The following ARHGAP32 variants were observed in gnomAD, a reference collection of about 807,000 sequenced individuals.
ARHGAP32 encodes the protein Rho GTPase activating protein 32, also known as rho GTPase-activating protein 32.
A neutral mutation model predicts 186.5 loss-of-function variants in ARHGAP32; 51 were observed. The ratio of observed to expected loss-of-function variants is 0.27; its 90% confidence interval spans 0.22 to 0.35. ARHGAP32 has a LOEUF of 0.35. Ranked by LOEUF, ARHGAP32 falls within the 10% of genes least tolerant of loss-of-function variation. The pLI, the probability that ARHGAP32 is intolerant of heterozygous loss-of-function variation, is 1.00. For synonymous variants in ARHGAP32, 950 were observed against 964.3 expected (o/e 0.99, Z 0.27); for missense variants, 2,186 against 2,623.5 (o/e 0.83, Z 3.64).
intron 2 of ARHGAP32, among the ~76,000 whole-genome samples, chr11:129,136,633 G>A (rs1313192648): frequency 6.6e-6 from 1 of 152,202 alleles, no homozygotes; most frequent in East Asian, 1.9e-4. Flanking sequence ...ATCTATCATT[G>A]TGTTAAAAAC....
At position 128,976,545 on chromosome 11, in the gene ARHGAP32, T is replaced by C. The variant is rs754422148; in HGVS notation, c.2194+18A>G. 3.1e-6 allele frequency: 5 copies of C among 1,598,574 alleles called. No individual in the cohort carries two copies. In the African/African-American group the frequency reaches 6.7e-5, roughly 21 times the overall value. ...GCAATATATTATAGAATAAAATGAC[T>C]GATGCTTTTAGTCTTACCATCAACT... is the stretch of plus-strand genomic sequence containing the variant. On this transcript the variant is annotated intron_variant, in intron 20 of 22. Coordinates refer to ENST00000682385, the MANE Select transcript of ARHGAP32 (RefSeq NM_001378024.1).
intron 2 of ARHGAP32, among the ~76,000 whole-genome samples, chr11:129,140,182 G>A (rs1943021783): frequency 1.3e-5 from 2 of 152,088 alleles, no homozygotes; most frequent in South Asian, 4.1e-4. Context: ...GGGAATTCAT[G>A]CAGCCCCTAA....
intron 6 of ARHGAP32, among the ~76,000 whole-genome samples, chr11:129,069,578 T>C (rs1940806154): frequency 6.6e-6 from 1 of 152,058 alleles, no homozygotes; most frequent in Non-Finnish European, 1.5e-5. Flanking sequence ...AATATATCTT[T>C]AGAGATCAAA....
At chr11:129,272,740 T>C (rs1945487259) in intron 1 of ARHGAP32, among the ~76,000 whole-genome samples, 1 of 152,162 alleles carries the variant, frequency 6.6e-6, no homozygotes, top group African/African-American at 2.4e-5. Flanking sequence ...AGAAAACTGC[T>C]AGAATAGAAG....
rs753173411 is a variant in ARHGAP32 at position 128,971,118 on chromosome 11, A to C, written c.4095T>G (p.Pro1365=). Residue 1365 remains proline, a synonymous_variant, in exon 23 of 23, where the codon CCT becomes CCG. Transcript: ENST00000682385. ...VVPVPERPPE[P]RAMDDPASAF... The stretch of plus-strand genomic sequence containing the variant: ...CAGACGCAGGGTCATCCATGGCTCG[A>C]GGTTCAGGTGGCCTCTCTGGAACTG... 7.4e-5 allele frequency: 120 copies of C among 1,613,884 alleles called. No individual in the cohort carries two copies. Among genetic ancestry groups the C allele is most frequent in the Non-Finnish European group, 8.3e-5 (98 of 1,179,896 alleles).
intron 5 of ARHGAP32, among the ~76,000 whole-genome samples, chr11:129,116,177 G>A (rs1942363868): frequency 6.6e-6 from 1 of 151,946 alleles, no homozygotes; most frequent in Non-Finnish European, 1.5e-5. Context: ...CTGTAGTTGT[G>A]GGAAGCCAAC....
At position 129,231,742 on chromosome 11, in the gene ARHGAP32, T is replaced by C. The variant is rs181903798; in HGVS notation, c.-5+47404A>G. ...GAATTCCCTAGAGTCAGCTAAGGCC[T>C]TTCTTAAGACTGCCTCTCATGCCGG... On this transcript the variant is annotated intron_variant, in intron 1 of 6. Coordinates refer to the ARHGAP32 transcript ENST00000525234. Among the ~76,000 whole-genome samples the C allele has an allele frequency of 2.2e-4, 33 of 152,170 alleles. No individual in the cohort carries two copies. In the East Asian group the frequency reaches 5.6e-3, roughly 26 times the overall value.
At chr11:129,275,587 G>A (rs1368883242) in intron 1 of ARHGAP32, among the ~76,000 whole-genome samples, 2 of 152,130 alleles carry the variant, frequency 1.3e-5, no homozygotes, top group East Asian at 3.8e-4. Flanking sequence ...TCCTAAATCG[G>A]GGGTTGGAAA....
At chr11:129,140,697 T>C (rs1489344669) in intron 2 of ARHGAP32, among the ~76,000 whole-genome samples, 1 of 152,132 alleles carries the variant, frequency 6.6e-6, no homozygotes, top group African/African-American at 2.4e-5. Flanking sequence ...AGGCAAATCC[T>C]AGAGGAAGGA....
At chr11:129,078,197 G>A (rs900761826) in intron 6 of ARHGAP32, among the ~76,000 whole-genome samples, 1 of 152,120 alleles carries the variant, frequency 6.6e-6, no homozygotes, top group Non-Finnish European at 1.5e-5. Context: ...CTAGATCCAG[G>A]AGAGCAATAA....
intron 9 of ARHGAP32, 127 bp from the exon 10 acceptor site, chr11:129,062,484 A>C (rs1940540761): frequency 6.7e-6 from 4 of 593,842 alleles, no homozygotes; most frequent in Non-Finnish European, 1.1e-5. Flanking sequence ...AGTAATTTCC[A>C]AAAAAAGTAC....
intron 6 of ARHGAP32, among the ~76,000 whole-genome samples, chr11:129,077,276 A>G (rs1197193890): frequency 6.6e-6 from 1 of 152,300 alleles, no homozygotes; most frequent in African/African-American, 2.4e-5. Context: ...TTTCCTACGC[A>G]GAATCCAGGT....
chr11:129,092,378 C>T (rs1941604958), intron 6 of ARHGAP32, among the ~76,000 whole-genome samples: 1 of 151,744 alleles, frequency 6.6e-6, no homozygotes, highest in Non-Finnish European at 1.5e-5. Context: ...TCCTGACATA[C>T]CAACGATGTA....
chr11:129,206,919 A>G (rs1278658988), intron 1 of ARHGAP32, among the ~76,000 whole-genome samples: 1 of 151,662 alleles, frequency 6.6e-6, no homozygotes, highest in Non-Finnish European at 1.5e-5. Context: ...CTCACCCCCC[A>G]ACAGGCCCCG....
At chr11:129,260,440 CAG>C (rs1445071533) in intron 1 of ARHGAP32, among the ~76,000 whole-genome samples, 2 of 151,924 alleles carry the variant, frequency 1.3e-5, no homozygotes, top group African/African-American at 2.4e-5. Context: ...GGCTTTCATA[CAG>C]AGTTATAAAC....
intron 22 of ARHGAP32, 94 bp downstream of exon 22, chr11:128,972,359 G>A (rs1591484958): frequency 5.1e-6 from 7 of 1,374,112 alleles, no homozygotes; most frequent in Non-Finnish European, 6.8e-6. Context: ...AGTAATTGTT[G>A]TGTCTGACTC....
intron 1 of ARHGAP32, among the ~76,000 whole-genome samples, chr11:129,165,209 A>C (rs1399698740): frequency 1.3e-5 from 2 of 152,052 alleles, no homozygotes; most frequent in Non-Finnish European, 2.9e-5. Flanking sequence ...TTCACCTCAA[A>C]TTATTAACTG....
chr11:129,164,507 A>C, intron 1 of ARHGAP32, 80 bp from the exon 2 acceptor site: 2 of 781,566 alleles, frequency 2.6e-6, no homozygotes, highest in Non-Finnish European at 4.1e-6. Context: ...TTGAAAGAGC[A>C]GAAAAACTAC....
chr11:129,130,070 T>G (rs1441425108), intron 2 of ARHGAP32, among the ~76,000 whole-genome samples: 1 of 152,200 alleles, frequency 6.6e-6, no homozygotes, highest in African/African-American at 2.4e-5. Context: ...GAGGCCTTAC[T>G]TAGACCTTCT....
Sources: allele counts gnomAD v4.1 joint callset (sites outside exome capture counted in the v4.1 genomes callset), GRCh38; gene constraint gnomAD v4.1.1; transcripts MANE v1.5; gene names NCBI Gene and HGNC (gene_info 2026-07-23, HGNC 2026-07-21).